The following DLGAP2 variants were observed in gnomAD, a reference collection of about 807,000 sequenced individuals.
DLGAP2 encodes disks large-associated protein 2.
DLGAP2 carries 26 observed loss-of-function variants against 100.3 expected under a neutral mutation model. The observed-to-expected ratio is 0.26, with a 90% CI of 0.19 to 0.36. DLGAP2 has a LOEUF of 0.36. Among genes scored for constraint, DLGAP2 ranks in the 10% least tolerant of loss-of-function variants. The pLI is 1.00. For synonymous variants in DLGAP2, 886 were observed against 630.1 expected, an observed-to-expected ratio of 1.41 and a Z score of -6.08; for missense variants, 1,858 against 1,453.2, an observed-to-expected ratio of 1.28 and a Z score of -4.53.
chr8:1,646,855 C>T (rs1336911675), intron 8 of DLGAP2, among the ~76,000 whole-genome samples: 6 of 152,276 alleles, frequency 3.9e-5, no homozygotes, highest in African/African-American at 1.4e-4. Flanking sequence ...CCCAGGTGGG[C>T]TTGGAAAGCC....
chr8:989,374 C>G (rs538834034), intron 2 of DLGAP2, among the ~76,000 whole-genome samples: 28 of 152,312 alleles, frequency 1.8e-4, no homozygotes, highest in Non-Finnish European at 2.9e-4. Flanking sequence ...GACACCTTAT[C>G]CATAGTAGAC....
At chr8:930,055 G>C (rs6984680) in intron 2 of DLGAP2, among the ~76,000 whole-genome samples, 60,063 of 151,876 alleles carry the variant, frequency 0.4, 12,254 homozygotes, top group Admixed American at 0.53. Context: ...TCTTGTGCCT[G>C]TCAGTCTGAG....
At chr8:854,732 C>T (rs2128988370) in intron 1 of DLGAP2, among the ~76,000 whole-genome samples, 1 of 152,102 alleles carries the variant, frequency 6.6e-6, no homozygotes, top group African/African-American at 2.4e-5. Context: ...TGTCTGCAGT[C>T]TGCAATGGCA....
intron 6 of DLGAP2, among the ~76,000 whole-genome samples, chr8:1,591,988 C>T (rs1246515099): frequency 6.6e-6 from 1 of 152,180 alleles, no homozygotes; most frequent in Non-Finnish European, 1.5e-5. Context: ...AGCACATTTT[C>T]CAGGATCTAG....
At chr8:956,280 C>T (rs549703440) in intron 2 of DLGAP2, among the ~76,000 whole-genome samples, 1 of 152,322 alleles carries the variant, frequency 6.6e-6, no homozygotes, top group Non-Finnish European at 1.5e-5. Flanking sequence ...ACAAGTTGTG[C>T]TCCCCAGGAG....
chr8:1,506,049 A>G (rs1021178993), intron 4 of DLGAP2, among the ~76,000 whole-genome samples: 1 of 152,340 alleles, frequency 6.6e-6, no homozygotes, highest in African/African-American at 2.4e-5. Flanking sequence ...GAATATTAAA[A>G]TAATACTTAG....
chr8:795,107 A>G (rs993551060), intron 1 of DLGAP2, among the ~76,000 whole-genome samples: 1 of 152,208 alleles, frequency 6.6e-6, no homozygotes, highest in African/African-American at 2.4e-5. Context: ...TCAAGTAACC[A>G]TCTGGCTCCA....
chr8:879,919 C>G (rs1250504856), intron 1 of DLGAP2, among the ~76,000 whole-genome samples: 1 of 152,186 alleles, frequency 6.6e-6, no homozygotes, highest in Non-Finnish European at 1.5e-5. Flanking sequence ...TGTCTCTCCT[C>G]CCTAATGGAA....
At chr8:1,485,303 T>C (rs1006559733) in intron 3 of DLGAP2, among the ~76,000 whole-genome samples, 1 of 151,880 alleles carries the variant, frequency 6.6e-6, no homozygotes, top group East Asian at 1.9e-4. Context: ...GAATTGCAGA[T>C]TTTTTCATAT....
chr8:1,306,326 A>G (rs915974546), intron 3 of DLGAP2, among the ~76,000 whole-genome samples: 1 of 152,162 alleles, frequency 6.6e-6, no homozygotes, highest in South Asian at 2.1e-4. Context: ...GAAGTAAATA[A>G]TTGCATTTAT....
chr8:1,669,886 T>A, intron 10 of DLGAP2, 102 bp downstream of exon 10: 2 of 756,422 alleles, frequency 2.6e-6, no homozygotes, highest in Non-Finnish European at 4.9e-6. Flanking sequence ...CTGTCCTGAT[T>A]CTATGTGCCA....
intron 3 of DLGAP2, among the ~76,000 whole-genome samples, chr8:1,437,334 C>G (rs1797672093): frequency 6.6e-6 from 1 of 152,252 alleles, no homozygotes; most frequent in South Asian, 2.1e-4. Flanking sequence ...CTCCACAATG[C>G]TCACACAACC....
chr8:880,339 C>T (rs1797763485), intron 1 of DLGAP2, among the ~76,000 whole-genome samples: 1 of 152,232 alleles, frequency 6.6e-6, no homozygotes, highest in Non-Finnish European at 1.5e-5. Context: ...AGATGTGCTT[C>T]TGTCTCACAT....
In DLGAP2 at chr8:889,064, G is replaced by A. The variant is rs765330939; in HGVS notation, c.19-18848G>A. Among the ~76,000 whole-genome samples the A allele has an allele frequency of 2.4e-4, 36 of 152,266 alleles. 1 individual carries two copies. The highest frequency in any genetic ancestry group is 7.8e-4 in the Admixed American group (12 of 15,296). ...AGTCAAAGGGGGGTTGTTCTCTGGC[G>A]GGCAGACTGGAGGTCACAAGGTGCT... On this transcript the variant is annotated intron_variant, in intron 1 of 14. Coordinates refer to ENST00000637795, the MANE Select transcript of DLGAP2 (RefSeq NM_001346810.2).
intron 3 of DLGAP2, among the ~76,000 whole-genome samples, chr8:1,448,825 C>T (rs1798056530): frequency 6.6e-6 from 1 of 152,180 alleles, no homozygotes; most frequent in African/African-American, 2.4e-5. Context: ...CCTGATCCGG[C>T]CATGGAAAGA....
rs576234220 is a variant in DLGAP2 at position 1,532,924 on chromosome 8, G to A, written c.173-15702G>A. Among the ~76,000 whole-genome samples, 48 of 152,216 alleles carry A rather than the reference G, an allele frequency of 3.2e-4. 1 individual carries two copies. The South Asian group carries it at 9.8e-3, about 31-fold the overall frequency. ...GCGTGGCTGCCTTTCCACCTGCCGAGCACCACGTATGCCCCACGGTGAAAT... is the reference window on the plus strand; with the variant it reads ...GCGTGGCTGCCTTTCCACCTGCCGAACACCACGTATGCCCCACGGTGAAAT... On this transcript the variant is annotated intron_variant, in intron 4 of 14. Transcript: ENST00000637795.
At chr8:819,740 A>T (rs542822668) in intron 1 of DLGAP2, among the ~76,000 whole-genome samples, 2 of 152,350 alleles carry the variant, frequency 1.3e-5, no homozygotes, top group South Asian at 2.1e-4. Flanking sequence ...AATGTGTAAG[A>T]TTTATAGGAA....
chr8:1,699,571 G>A (rs753811453), intron 14 of DLGAP2, among the ~76,000 whole-genome samples: 16 of 151,978 alleles, frequency 1.1e-4, no homozygotes, highest in Non-Finnish European at 4.4e-5. Context: ...CCAAGATCGT[G>A]CCACTGCACT....
chr8:1,625,323 A>G (rs996763298), intron 6 of DLGAP2, among the ~76,000 whole-genome samples: 2 of 152,260 alleles, frequency 1.3e-5, no homozygotes, highest in African/African-American at 4.8e-5. Flanking sequence ...AAGATTGTCA[A>G]TAAAACTGGA....
Sources: gnomAD v4.1 joint callset for allele counts (sites outside exome capture counted in the v4.1 genomes callset) on GRCh38, gnomAD v4.1.1 for gene constraint, MANE v1.5 for transcripts, NCBI Gene and HGNC (gene_info 2026-07-23, HGNC 2026-07-21) for gene names.